PPP3CA: variants seen among roughly 807,000 people sequenced by gnomAD.
PPP3CA encodes the protein protein phosphatase 3 catalytic subunit alpha.
In PPP3CA, 14 loss-of-function variants were observed where a neutral mutation model predicts 66.5. The ratio of observed to expected loss-of-function variants is 0.21; its 90% CI spans 0.14 to 0.33. The LOEUF is 0.33. Ranked by LOEUF, PPP3CA falls within the 10% of genes least tolerant of loss-of-function variation. The pLI, the probability that PPP3CA is intolerant of heterozygous loss-of-function variation, is 1.00. For synonymous variants in PPP3CA, 232 were observed against 226.2 expected, an observed-to-expected ratio of 1.03 and a Z score of -0.23; for missense variants, 317 against 639.5, an observed-to-expected ratio of 0.50 and a Z score of 5.44.
intron 2 of PPP3CA, among the ~76,000 whole-genome samples, chr4:101,119,818 C>A (rs576588985): frequency 2.7e-4 from 41 of 152,050 alleles, no homozygotes; most frequent in African/African-American, 9.6e-4. Flanking sequence ...ATCTAATTTC[C>A]AGTAAGTGAA....
Position 101,025,886 on chromosome 4 carries a change from ACTGCCATTG to A in PPP3CA, c.1536_1544del (p.Gly514_Asn516del). On this transcript the variant is annotated inframe_deletion, in exon 14 of 14. Coordinates refer to ENST00000394854, the MANE Select transcript of PPP3CA (RefSeq NM_000944.5). ...GTGGTCACTGAATATTGCTGCTATT[ACTGCCATTG>A]CTGTCCGTGCCGTTAGTCTCTGAGG... is the stretch of plus-strand genomic sequence containing the variant. 6.3e-7 allele frequency: 1 copy of A among 1,592,952 alleles called. No individual in the cohort carries two copies. Among genetic ancestry groups the A allele is most frequent in the Non-Finnish European group, 8.5e-7 (1 of 1,172,278 alleles).
intron 1 of PPP3CA, among the ~76,000 whole-genome samples, chr4:101,208,911 A>G (rs951069957): frequency 4.6e-5 from 7 of 152,172 alleles, no homozygotes; most frequent in Non-Finnish European, 1.0e-4. Context: ...TTCTTAAATG[A>G]TATGTAGGGT....
chr4:101,179,283 C>A (rs1002970053), intron 2 of PPP3CA, among the ~76,000 whole-genome samples: 3 of 152,082 alleles, frequency 2.0e-5, no homozygotes, highest in African/African-American at 7.2e-5. Context: ...TAGATTTCAT[C>A]TACACTACTT....
intron 1 of PPP3CA, among the ~76,000 whole-genome samples, chr4:101,337,342 CT>C (rs1233728821): frequency 2.0e-5 from 3 of 152,180 alleles, no homozygotes; most frequent in Admixed American, 6.5e-5. Context: ...ACCACTCACC[CT>C]TTTTTGTTCA....
intron 2 of PPP3CA, among the ~76,000 whole-genome samples, chr4:101,132,544 A>C (rs2110283914): frequency 6.6e-6 from 1 of 152,288 alleles, no homozygotes; most frequent in African/African-American, 2.4e-5. Context: ...CCCAAGACTA[A>C]ACCAGGAAGA....
intron 1 of PPP3CA, among the ~76,000 whole-genome samples, chr4:101,305,397 A>G (rs926308144): frequency 1.3e-5 from 2 of 152,234 alleles, no homozygotes; most frequent in Non-Finnish European, 2.9e-5. Flanking sequence ...GTGTGACCCC[A>G]TAAATTATTG....
At chr4:101,329,817 T>C (rs540409943) in intron 1 of PPP3CA, among the ~76,000 whole-genome samples, 7 of 152,090 alleles carry the variant, frequency 4.6e-5, no homozygotes, top group Non-Finnish European at 1.0e-4. Flanking sequence ...TATTGTTTGC[T>C]GAATATTTTA....
At chr4:101,346,716 G>A (rs1463445771) in intron 1 of PPP3CA, 23 bp downstream of exon 1, 1 of 1,605,582 alleles carries the variant, frequency 6.2e-7, no homozygotes, top group Non-Finnish European at 8.5e-7. Context: ...GGTGCACCCA[G>A]GCCACCGCGG....
At chr4:101,153,216 G>A (rs1456397838) in intron 2 of PPP3CA, among the ~76,000 whole-genome samples, 1 of 152,182 alleles carries the variant, frequency 6.6e-6, no homozygotes, top group Non-Finnish European at 1.5e-5. Flanking sequence ...TGACTTGTAT[G>A]TGCAGAAACT....
intron 2 of PPP3CA, among the ~76,000 whole-genome samples, chr4:101,178,174 GT>G (rs1319496389): frequency 6.6e-6 from 1 of 152,078 alleles, no homozygotes; most frequent in Non-Finnish European, 1.5e-5. Flanking sequence ...GCCTATGTCT[GT>G]TTTATTCTAA....
At chr4:101,270,160 A>G (rs1727292197) in intron 1 of PPP3CA, among the ~76,000 whole-genome samples, 1 of 152,354 alleles carries the variant, frequency 6.6e-6, no homozygotes, top group Admixed American at 6.5e-5. Flanking sequence ...CTGAGTTTGT[A>G]GTATTTTTAC....
chr4:101,247,144 G>A (rs1374710367), intron 1 of PPP3CA, among the ~76,000 whole-genome samples: 1 of 151,374 alleles, frequency 6.6e-6, no homozygotes, highest in Non-Finnish European at 1.5e-5. Flanking sequence ...CCTTGTCATC[G>A]TTTTTCTTTT....
chr4:101,286,954 G>A (rs1234575545), intron 1 of PPP3CA, among the ~76,000 whole-genome samples: 1 of 151,482 alleles, frequency 6.6e-6, no homozygotes, highest in Admixed American at 6.6e-5. Context: ...GAACCTGTAG[G>A]ATTTTAAAAG....
At chr4:101,109,470 G>A (rs188004878) in intron 2 of PPP3CA, among the ~76,000 whole-genome samples, 13 of 151,708 alleles carry the variant, frequency 8.6e-5, no homozygotes, top group Admixed American at 7.9e-4. Flanking sequence ...GGTAAAAGAC[G>A]ACACCAAAGA....
intron 1 of PPP3CA, among the ~76,000 whole-genome samples, chr4:101,267,936 T>A (rs1727220203): frequency 6.6e-6 from 1 of 152,140 alleles, no homozygotes; most frequent in African/African-American, 2.4e-5. Flanking sequence ...TTTCCTCCTT[T>A]TCAGGGACTA....
At chr4:101,121,030 T>C (rs1450807363) in intron 2 of PPP3CA, among the ~76,000 whole-genome samples, 1 of 152,066 alleles carries the variant, frequency 6.6e-6, no homozygotes, top group Non-Finnish European at 1.5e-5. Flanking sequence ...TCATAGAAAA[T>C]TAACACAGGT....
At chr4:101,143,615 C>T (rs1161697901) in intron 2 of PPP3CA, among the ~76,000 whole-genome samples, 2 of 152,164 alleles carry the variant, frequency 1.3e-5, no homozygotes, top group Non-Finnish European at 2.9e-5. Context: ...TTGAGTCCAC[C>T]TCTCCTCAGG....
At chr4:101,160,347 CT>C (rs979534299) in intron 2 of PPP3CA, among the ~76,000 whole-genome samples, 10 of 152,192 alleles carry the variant, frequency 6.6e-5, no homozygotes, top group African/African-American at 2.4e-4. Flanking sequence ...ATAACTTATC[CT>C]TTTTGCCCCC....
At position 101,082,407 on chromosome 4, in the gene PPP3CA, C is replaced by T. The variant is rs1327470355; in HGVS notation, c.860+779G>A. On this transcript the variant is annotated intron_variant, in intron 7 of 13. Coordinates refer to ENST00000394854, the MANE Select transcript of PPP3CA (RefSeq NM_000944.5). ...ACACAGGTTATAAAAAGAAGTGCTA[C>T]TACTTTTCAGAAAACCTAGACTATG... Among the ~76,000 whole-genome samples the T allele has an allele frequency of 3.9e-5, 6 of 152,146 alleles. 1 individual carries two copies. The highest frequency in any genetic ancestry group is 2.6e-4 in the Admixed American group (4 of 15,274).
Sources: allele counts gnomAD v4.1 joint callset (sites outside exome capture counted in the v4.1 genomes callset), GRCh38; gene constraint gnomAD v4.1.1; transcripts MANE v1.5; gene names NCBI Gene and HGNC (gene_info 2026-07-23, HGNC 2026-07-21).